AKAP9: variants seen among roughly 807,000 people sequenced by gnomAD.
AKAP9 encodes the protein A-kinase anchoring protein 9.
AKAP9 carries 311 observed loss-of-function variants against 488.5 expected under a neutral mutation model. The observed-to-expected ratio is 0.64, with a 90% CI of 0.58 to 0.70. The LOEUF (loss-of-function observed/expected upper bound fraction) is 0.70. AKAP9 is among the 30% of genes least tolerant of loss of function. The pLI, the probability that AKAP9 is intolerant of heterozygous loss-of-function variation, is 0.00. For missense variants in AKAP9, 4,215 were observed against 4,374.5 expected, an observed-to-expected ratio of 0.96 and a Z score of 1.03; for synonymous variants, 1,462 against 1,483.5, an observed-to-expected ratio of 0.99 and a Z score of 0.33.
intron 11 of AKAP9, among the ~76,000 whole-genome samples, chr7:92,016,479 G>A (rs57098452): frequency 6.6e-6 from 1 of 151,906 alleles, no homozygotes; most frequent in African/African-American, 2.4e-5. Context: ...AATTGGAGCT[G>A]TCCACTATTG....
intron 21 of AKAP9, among the ~76,000 whole-genome samples, chr7:92,045,436 G>A (rs368804222): frequency 1.1e-4 from 16 of 152,228 alleles, no homozygotes; most frequent in Non-Finnish European, 1.8e-4. Context: ...GGTTGCCACA[G>A]TGCCTACATA....
At chr7:91,977,048 G>A (rs893395591) in intron 2 of AKAP9, among the ~76,000 whole-genome samples, 1 of 151,908 alleles carries the variant, frequency 6.6e-6, no homozygotes, top group Admixed American at 6.6e-5. Flanking sequence ...TACTTGAGCC[G>A]AAGAGTTCGA....
At chr7:91,987,652 C>G (rs1316178836) in intron 3 of AKAP9, among the ~76,000 whole-genome samples, 1 of 152,104 alleles carries the variant, frequency 6.6e-6, no homozygotes, top group Non-Finnish European at 1.5e-5. Flanking sequence ...CTAGTTGGAT[C>G]TGTGATGCTC....
chr7:92,055,606 C>G (rs2130809629), intron 22 of AKAP9, among the ~76,000 whole-genome samples: 1 of 152,150 alleles, frequency 6.6e-6, no homozygotes, highest in Non-Finnish European at 1.5e-5. Flanking sequence ...ACATTAAAAT[C>G]TTGATTATCT....
chr7:92,032,014 A>G (rs558024730), intron 16 of AKAP9, among the ~76,000 whole-genome samples: 1 of 152,332 alleles, frequency 6.6e-6, no homozygotes, highest in Admixed American at 6.5e-5. Context: ...GAGGATTATC[A>G]CTGAGTATTA....
chr7:91,947,224 A>G (rs1011817319), intron 1 of AKAP9, among the ~76,000 whole-genome samples: 1 of 151,618 alleles, frequency 6.6e-6, no homozygotes, highest in Admixed American at 6.6e-5. Flanking sequence ...GAGAATTTAT[A>G]ATACTGCTAT....
chr7:92,052,447 GA>G (rs1808144355), intron 21 of AKAP9, among the ~76,000 whole-genome samples: 1 of 149,490 alleles, frequency 6.7e-6, no homozygotes, highest in Non-Finnish European at 1.5e-5. Context: ...AATTTCTGTT[GA>G]AAGGTATCTT....
intron 3 of AKAP9, among the ~76,000 whole-genome samples, chr7:91,989,052 G>C (rs757066592): frequency 4.6e-5 from 7 of 152,126 alleles, no homozygotes; most frequent in Non-Finnish European, 8.8e-5. Flanking sequence ...TAGACGTTCA[G>C]CAAAGTGTGG....
At chr7:92,018,668 A>G (rs545057068) in intron 12 of AKAP9, among the ~76,000 whole-genome samples, 16 of 152,218 alleles carry the variant, frequency 1.1e-4, no homozygotes, top group South Asian at 4.1e-4. Context: ...CTGCTTTCTG[A>G]TAACATTTTC....
Position 92,096,752 on chromosome 7 carries a change from C to G in AKAP9, c.9793C>G (p.Gln3265Glu), listed in dbSNP as rs758717247. The G allele has an allele frequency of 5.8e-5, 94 of 1,614,014 alleles. No homozygotes were observed. Among genetic ancestry groups the G allele is most frequent in the Non-Finnish European group, 7.9e-5 (93 of 1,180,018 alleles). ...RNLQLNLLLE[Q>E]QKQLLNESQQ... ...TCTTCAGCTAAATCTACTTTTGGAA[C>G]AACAGAAACAACTACTGAACGAATC... is the stretch of plus-strand genomic sequence containing the variant. Residue 3265 changes from glutamine to glutamate, a missense_variant, in exon 41 of 50, where the codon CAA becomes GAA. By Grantham distance (29) the Gln-to-Glu change is conservative. Transcript: ENST00000356239.
chr7:91,963,482 T>TCACA (rs56800758), intron 1 of AKAP9, among the ~76,000 whole-genome samples: 14,981 of 139,136 alleles, frequency 0.11, 1,002 homozygotes, highest in Admixed American at 0.2. Context: ...AACATATTTG[T>TCACA]CACACACACA....
At chr7:92,010,474 T>C (rs1800566020) in intron 8 of AKAP9, among the ~76,000 whole-genome samples, 1 of 152,226 alleles carries the variant, frequency 6.6e-6, no homozygotes, top group Non-Finnish European at 1.5e-5. Context: ...AATTCTTTTT[T>C]GTGAGCGGCC....
intron 7 of AKAP9, 171 bp downstream of exon 7, chr7:91,995,971 A>T: frequency 1.6e-6 from 1 of 624,196 alleles, no homozygotes; most frequent in South Asian, 2.0e-5. Context: ...AGTTTTTAAG[A>T]TAATAGTCAT....
chr7:92,030,505 G>A (rs987996065), intron 15 of AKAP9, among the ~76,000 whole-genome samples: 11 of 152,124 alleles, frequency 7.2e-5, no homozygotes, highest in African/African-American at 2.4e-4. Context: ...AGCTGAGCGT[G>A]GTGGCACTCG....
At chr7:92,105,906 C>T (rs1360394958) in intron 47 of AKAP9, 143 bp downstream of exon 47, 2 of 741,318 alleles carry the variant, frequency 2.7e-6, no homozygotes, top group African/African-American at 1.7e-5. Context: ...CATTACTGCC[C>T]GAGCTCCACC....
intron 3 of AKAP9, among the ~76,000 whole-genome samples, chr7:91,989,763 T>G (rs1449992663): frequency 6.6e-6 from 1 of 152,042 alleles, no homozygotes; most frequent in African/African-American, 2.4e-5. Flanking sequence ...GCCATCAGAT[T>G]TTTATTTTTT....
In AKAP9 at chr7:92,022,301, G is replaced by GA; in HGVS notation, c.3904dup (p.Thr1302AsnfsTer17). On this transcript the variant is annotated frameshift_variant, in exon 13 of 50. Coordinates refer to ENST00000356239, the MANE Select transcript of AKAP9 (RefSeq NM_005751.5). LOFTEE classifies it high-confidence loss of function. ...TGGAGAAGAAAACCTTCCAAAAGAGGAAACAGAGTTTTTATCAATCCATTC... is the reference window on the plus strand; with the variant it reads ...TGGAGAAGAAAACCTTCCAAAAGAGGAAAACAGAGTTTTTATCAATCCATTC... 6.2e-7 allele frequency: 1 copy of GA among 1,613,690 alleles called. No homozygotes were observed. The highest frequency in any genetic ancestry group is 8.5e-7 in the Non-Finnish European group (1 of 1,179,724).
intron 3 of AKAP9, among the ~76,000 whole-genome samples, chr7:91,988,129 C>T (rs757356908): frequency 3.3e-5 from 5 of 151,814 alleles, no homozygotes; most frequent in African/African-American, 9.7e-5. Context: ...TTATTCCACA[C>T]GGTAAGATAG....
chr7:91,972,577 C>T (rs960690454), intron 1 of AKAP9, among the ~76,000 whole-genome samples: 2 of 152,130 alleles, frequency 1.3e-5, no homozygotes, highest in African/African-American at 2.4e-5. Context: ...ACTGTTTCTT[C>T]CTCATATTTG....
Sources: gnomAD v4.1 joint callset for allele counts (sites outside exome capture counted in the v4.1 genomes callset) on GRCh38, gnomAD v4.1.1 for gene constraint, MANE v1.5 for transcripts, NCBI Gene and HGNC (gene_info 2026-07-23, HGNC 2026-07-21) for gene names.